TMC4: variants seen among roughly 807,000 people sequenced by gnomAD.
TMC4 encodes the protein voltage-gated chloride channel TMC4.
TMC4 carries 70 observed loss-of-function variants against 82.0 expected under a neutral mutation model. The ratio of observed to expected loss-of-function variants is 0.85; its 90% CI spans 0.70 to 1.04. TMC4 has a LOEUF of 1.04. Ranked by LOEUF, TMC4 falls within the 50% of genes least tolerant of loss-of-function variation. TMC4 has a pLI of 0.00. For synonymous variants in TMC4, 446 were observed against 406.0 expected (o/e 1.10, Z -1.18); for missense variants, 879 against 899.0 (o/e 0.98, Z 0.28).
At position 54,168,162 on chromosome 19, in the gene TMC4, G is replaced by A. The variant is rs2075749731; in HGVS notation, c.797+9C>T. 3.1e-6 allele frequency: 5 copies of A among 1,600,198 alleles called. No individual in the cohort carries two copies. The highest frequency in any genetic ancestry group is 4.3e-6 in the Non-Finnish European group (5 of 1,173,164). ...CCCGTCAGGGGTCAGGGGTGCAGGT[G>A]CCACTGACCGATGCAGGATGAGCAG... On this transcript the variant is annotated intron_variant, in intron 5 of 14. Transcript: ENST00000619895.
intron 5 of TMC4, among the ~76,000 whole-genome samples, chr19:54,167,963 T>C (rs1440603716): frequency 1.3e-5 from 2 of 151,512 alleles, no homozygotes; most frequent in Admixed American, 1.3e-4. Context: ...CTTGGGAGGC[T>C]GAGGCAGGAG....
In TMC4 at chr19:54,173,052, C is replaced by G; in HGVS notation, c.66G>C (p.Arg22=). ...GGCATTCCCTACCTCCTCTGGCCTC[C>G]CGGGGGGCCAGCCACTCCCTAGAGG... is the stretch of plus-strand genomic sequence containing the variant. ...WGSSREWLAP[R]EARGGPSLSS... Residue 22 remains arginine (R), a synonymous_variant, in exon 1 of 15, where the codon CGG becomes CGC. Coordinates refer to ENST00000619895, the MANE Select transcript of TMC4 (RefSeq NM_144686.4). The G allele has an allele frequency of 6.2e-7, 1 of 1,613,416 alleles. No individual in the cohort carries two copies.
intron 7 of TMC4, 42 bp from the exon 8 acceptor site, chr19:54,163,929 G>A (rs1203132050): frequency 1.1e-5 from 18 of 1,605,348 alleles, no homozygotes; most frequent in African/African-American, 6.7e-5. Flanking sequence ...TGGGGTCCTG[G>A]AGGAGCCAAG....
chr19:54,163,396 C>T (rs981937804), intron 8 of TMC4: 70 of 637,918 alleles, frequency 1.1e-4, no homozygotes, highest in Admixed American at 3.3e-4. Context: ...CTGCAACCTC[C>T]ACCTCCCAGG....
Position 54,160,325 on chromosome 19 carries a change from G to A in TMC4, c.2102C>T (p.Ser701Phe). Residue 701 changes from serine (S) to phenylalanine (F), a missense_variant, in exon 15 of 15, where the codon TCC becomes TTC. Physicochemically the swap from Ser to Phe is radical, Grantham distance 155. Transcript: ENST00000619895. ...FLARRAVALT[S>F]TKPAL ...CGGGGGTCAAAGAGCCGGTTTGGTG[G>A]AGGTCAGCGCCACAGCGCGCCGTGC... is the stretch of plus-strand genomic sequence containing the variant. 1.3e-6 allele frequency: 2 copies of A among 1,519,840 alleles called. 1 individual carries two copies. The highest frequency in any genetic ancestry group is 2.6e-5 in the South Asian group (2 of 76,298). The allele number at this position is 1,519,840 out of a possible 1,614,324, so 94.1% of individuals were successfully genotyped here.
rs200051342 is a variant in TMC4, at chr19:54,164,512, G to C, written c.1035C>G (p.Leu345=). The C allele has an allele frequency of 4.3e-6, 7 of 1,613,978 alleles. No homozygotes were observed. In the East Asian group the frequency reaches 1.6e-4, roughly 36 times the overall value. The change falls in exon 7 of 15, where the codon CTC becomes CTG. Residue 345 remains leucine, a synonymous_variant. Transcript: ENST00000619895. Reference sequence around the variant, plus strand: ...CCAGGAGCGCGACCACCAGCAGGTTGAGCAGCACCCGCACCAACCAAACCC... The same window carrying C: ...CCAGGAGCGCGACCACCAGCAGGTTCAGCAGCACCCGCACCAACCAAACCC... ...QARVWLVRVL[L]NLLVVALLGA...
chr19:54,164,577 G>A lies in TMC4; in HGVS notation c.970C>T (p.Arg324Trp). The change falls in exon 7 of 15, where the codon CGG (arginine) becomes TGG (tryptophan). Residue 324 changes from arginine to tryptophan, a missense_variant. Coordinates refer to ENST00000619895, the MANE Select transcript of TMC4 (RefSeq NM_144686.4). ...AGCGTCCGCACCGCAGCCTGGCGCCGCACCACTGTCTCCTCCAGCTCCACC... is the reference window on the plus strand; with the variant it reads ...AGCGTCCGCACCGCAGCCTGGCGCCACACCACTGTCTCCTCCAGCTCCACC... Reference protein sequence around the residue: ...LKVELEETVVRRQAAVRTLGQ... With the variant: ...LKVELEETVVWRQAAVRTLGQ... 6.2e-7 allele frequency: 1 copy of A among 1,613,460 alleles called. No homozygotes were observed. Among genetic ancestry groups the A allele is most frequent in the South Asian group, 1.1e-5 (1 of 91,076 alleles).
Position 54,163,139 on chromosome 19 carries a change from G to A in TMC4, c.1298C>T (p.Ala433Val). 1 of 1,613,976 alleles carries A rather than the reference G, an allele frequency of 6.2e-7. No individual in the cohort carries two copies. Among genetic ancestry groups the A allele is most frequent in the Non-Finnish European group, 8.5e-7 (1 of 1,180,016 alleles). The stretch of plus-strand genomic sequence containing the variant: ...AGAGAAGAGCAGGACCACCAGGGAG[G>A]CGAGGCGAAGAAACACGGTCCTGAA... ...ILLRTVFLRL[A>V]SLVVLLFSLW... Residue 433 changes from alanine (A) to valine (V), a missense_variant, in exon 9 of 15, where the codon GCC becomes GTC. Transcript: ENST00000619895.
At chr19:54,164,824 C>T (rs2075661184) in intron 6 of TMC4, 2 of 612,764 alleles carry the variant, frequency 3.3e-6, no homozygotes, top group East Asian at 5.8e-5. Context: ...AAGCCCCCAT[C>T]CCTCCGCGGT....
Position 54,160,304 on chromosome 19 carries a change from G to A in TMC4, c.*2C>T, listed in dbSNP as rs1209679132. The A allele has an allele frequency of 1.3e-6, 2 of 1,516,318 alleles. No individual in the cohort carries two copies. Among genetic ancestry groups the A allele is most frequent in the Non-Finnish European group, 1.8e-6 (2 of 1,133,532 alleles). The allele number at this position is 1,516,318 out of a possible 1,614,324, so 93.9% of individuals were successfully genotyped here. A position where few individuals can be genotyped will look rare whatever the true frequency, so the allele number is the denominator to read the frequency against. On this transcript the variant is annotated 3_prime_UTR_variant, in exon 15 of 15. Transcript: ENST00000619895. ...CTGAAAGCGGGACGTGGGCTGCGGG[G>A]GTCAAAGAGCCGGTTTGGTGGAGGT...
In TMC4 at chr19:54,161,286, G is replaced by A. The variant is rs781779487; in HGVS notation, c.1687-26C>T. 5.4e-6 allele frequency: 8 copies of A among 1,487,532 alleles called. No individual in the cohort carries two copies. The East Asian group carries it at 1.9e-4, about 35-fold the overall frequency. 92.1% of individuals were successfully genotyped at this position (1,487,532 alleles called of 1,614,324 possible). On this transcript the variant is annotated intron_variant, in intron 11 of 14. Transcript: ENST00000619895. The stretch of plus-strand genomic sequence containing the variant: ...CTGGTGGGGGAAGGCACGGAGAAAA[G>A]GGCTCTGAAACACAAGAGTCTGTGC...
chr19:54,170,981 T>G (rs532351782), intron 2 of TMC4, among the ~76,000 whole-genome samples: 103 of 151,370 alleles, frequency 6.8e-4, no homozygotes, highest in African/African-American at 2.4e-3. Flanking sequence ...GTGGCTATAT[T>G]CACAGGCATG....
At chr19:54,162,650 A>C (rs1370069651) in intron 10 of TMC4, 23 bp downstream of exon 10, 1 of 1,594,726 alleles carries the variant, frequency 6.3e-7, no homozygotes, top group Non-Finnish European at 8.6e-7. Flanking sequence ...GGGCGGGGCC[A>C]CAGCAAGGGG....
At chr19:54,161,294 A>T in intron 11 of TMC4, 34 bp from the exon 12 acceptor site, 1 of 1,473,444 alleles carries the variant, frequency 6.8e-7, no homozygotes, top group South Asian at 1.5e-5. Flanking sequence ...AAGGGCTCTG[A>T]AACACAAGAG....
rs572772104 is a variant in TMC4 at position 54,169,604 on chromosome 19, C to T, written c.350G>A (p.Arg117Gln). Residue 117 changes from arginine (R) to glutamine (Q), a missense_variant, in exon 3 of 15, where the codon CGA becomes CAA. Transcript: ENST00000619895. Reference sequence around the variant, plus strand: ...GGACCTCCGAAGTAGCCGCGCCCATCGGTCCGTCTTAGTTCCAGAGCCATA... The same window carrying T: ...GGACCTCCGAAGTAGCCGCGCCCATTGGTCCGTCTTAGTTCCAGAGCCATA... ...VVYGSGTKTDRWARLLRRSKE... is the reference protein window; with the variant it reads ...VVYGSGTKTDQWARLLRRSKE... The T allele has an allele frequency of 2.5e-6, 4 of 1,614,036 alleles. No individual in the cohort carries two copies. The Admixed American group carries it at 5.0e-5, about 20-fold the overall frequency.
intron 2 of TMC4, among the ~76,000 whole-genome samples, chr19:54,171,008 G>C (rs979321288): frequency 6.8e-6 from 1 of 146,682 alleles, no homozygotes; most frequent in African/African-American, 2.5e-5. Flanking sequence ...CTACTGATCG[G>C]TGTGGGAGTG....
chr19:54,160,218 G>T lies in TMC4; in HGVS notation c.*88C>A. ...GATACCAAAGCTGGAAGGGCGTGGA[G>T]TCTTCTCCAGTTCTCCTAGTTTACA... On this transcript the variant is annotated 3_prime_UTR_variant, in exon 15 of 15. Coordinates refer to ENST00000619895, the MANE Select transcript of TMC4 (RefSeq NM_144686.4). The T allele has an allele frequency of 7.2e-7, 1 of 1,390,724 alleles. No homozygotes were observed. Among genetic ancestry groups the T allele is most frequent in the Non-Finnish European group, 9.6e-7 (1 of 1,040,298 alleles). The allele number at this position is 1,390,724 out of a possible 1,614,324, so 86.1% of individuals were successfully genotyped here. A position where few individuals can be genotyped will look rare whatever the true frequency, so the allele number is the denominator to read the frequency against.
rs1385012022 is a variant in TMC4, at chr19:54,173,110, T to C, written c.8A>G (p.Glu3Gly). The C allele has an allele frequency of 3.2e-6, 5 of 1,561,516 alleles. No individual in the cohort carries two copies. The highest frequency in any genetic ancestry group is 1.1e-5 in the South Asian group (1 of 89,894). Residue 3 changes from glutamate to glycine, a missense_variant, in exon 1 of 15, where the codon GAA (glutamate) becomes GGA (glycine). Transcript: ENST00000619895. The stretch of plus-strand genomic sequence containing the variant: ...GGCTTCTGATTCCAAGGTCGGGTTT[T>C]CTTCCATGGCCCCAGGCTGGGCTGT... ME[E>G]NPTLESEAWG...
rs753284818 is a variant in TMC4, at chr19:54,164,437, C to T, written c.1110G>A (p.Leu370=). The T allele has an allele frequency of 1.9e-6, 3 of 1,609,828 alleles. No homozygotes were observed. Among genetic ancestry groups the T allele is most frequent in the Non-Finnish European group, 1.7e-6 (2 of 1,177,242 alleles). ...VYWATGCTVE[L]QEMPLVQELP... Reference sequence around the variant, plus strand: ...CCTCTTCCAAGACCGTCCGCACCTGCAGCTCCACGGTGCACCCCGTAGCCC... The same window carrying T: ...CCTCTTCCAAGACCGTCCGCACCTGTAGCTCCACGGTGCACCCCGTAGCCC... Residue 370 remains leucine, a synonymous_variant, in exon 7 of 15, where the codon CTG becomes CTA. Transcript: ENST00000619895.
Sources: gnomAD v4.1 joint callset for allele counts (sites outside exome capture counted in the v4.1 genomes callset) on GRCh38, gnomAD v4.1.1 for gene constraint, MANE v1.5 for transcripts, NCBI Gene and HGNC (gene_info 2026-07-23, HGNC 2026-07-21) for gene names.